The following ANK3 variants were observed in gnomAD, a reference collection of about 807,000 sequenced individuals.
The protein encoded by ANK3 is ankyrin-3.
In ANK3, 57 loss-of-function variants were observed where a neutral mutation model predicts 370.9. The observed-to-expected ratio is 0.15, with a 90% CI of 0.12 to 0.19. The LOEUF is 0.19. Ranked by LOEUF, ANK3 falls within the 10% of genes least tolerant of loss-of-function variation. The pLI, the probability that ANK3 is intolerant of heterozygous loss-of-function variation, is 1.00. For missense variants in ANK3, 4,439 were observed against 5,302.1 expected (o/e 0.84, Z 5.06); for synonymous variants, 1,929 against 1,946.3 (o/e 0.99, Z 0.23).
At chr10:60,415,447 G>A (rs1239019773) in intron 2 of ANK3, among the ~76,000 whole-genome samples, 2 of 152,080 alleles carry the variant, frequency 1.3e-5, no homozygotes, top group African/African-American at 4.8e-5. Flanking sequence ...GGTCGTCCCC[G>A]CCTCTGCTCC....
intron 1 of ANK3, among the ~76,000 whole-genome samples, chr10:60,624,309 A>G (rs2078379028): frequency 6.6e-6 from 1 of 152,174 alleles, no homozygotes; most frequent in Non-Finnish European, 1.5e-5. Context: ...ATAAAGTACA[A>G]AGTATTTTTA....
chr10:60,581,796 A>G (rs2077758039), intron 2 of ANK3, among the ~76,000 whole-genome samples: 1 of 152,068 alleles, frequency 6.6e-6, no homozygotes, highest in South Asian at 2.1e-4. Flanking sequence ...GTTGGAATAT[A>G]TTTTAGGAAT....
intron 1 of ANK3, among the ~76,000 whole-genome samples, chr10:60,363,979 T>TG: frequency 6.9e-6 from 1 of 145,586 alleles, no homozygotes; most frequent in South Asian, 2.2e-4. Context: ...TGTTTTTTTT[T>TG]TTTTTTTTTT....
intron 8 of ANK3, among the ~76,000 whole-genome samples, chr10:60,214,106 A>G (rs2096898016): frequency 6.6e-6 from 1 of 152,182 alleles, no homozygotes; most frequent in Non-Finnish European, 1.5e-5. Flanking sequence ...GCAAAAATAT[A>G]TAAAAAGTTT....
Position 60,079,225 on chromosome 10 carries a change from A to ACACACACACC in ANK3, c.4432+1311_4432+1312insGGTGTGTGTG, listed in dbSNP as rs376356885. The stretch of plus-strand genomic sequence containing the variant: ...CACACACACACACACACACACACAC[A>ACACACACACC]CCCCTCTTCTGCTCTGTAGCATAAT... On this transcript the variant is annotated intron_variant, in intron 36 of 43. Coordinates refer to ENST00000280772, the MANE Select transcript of ANK3 (RefSeq NM_020987.5). 3.7e-3 allele frequency among the ~76,000 whole-genome samples: 529 copies of ACACACACACC among 142,652 alleles called. 2 individuals carry two copies. The highest frequency in any genetic ancestry group is 0.013 in the African/African-American group (476 of 37,556). The allele number at this position is 142,652 out of a possible 152,430, so 93.6% of individuals were successfully genotyped here.
intron 23 of ANK3, among the ~76,000 whole-genome samples, chr10:60,156,048 T>A (rs1442988387): frequency 1.3e-5 from 2 of 152,182 alleles, no homozygotes; most frequent in Admixed American, 1.3e-4. Flanking sequence ...CCTTTATATA[T>A]CACATCTATC....
At chr10:60,677,784 CAAA>C (rs752482255) in intron 1 of ANK3, among the ~76,000 whole-genome samples, 3 of 99,254 alleles carry the variant, frequency 3.0e-5, no homozygotes, top group Non-Finnish European at 2.1e-5. Flanking sequence ...CTCAACTACC[CAAA>C]AAAAAAAAAA....
At chr10:60,647,082 A>G (rs150642115) in intron 1 of ANK3, among the ~76,000 whole-genome samples, 130 of 152,344 alleles carry the variant, frequency 8.5e-4, no homozygotes, top group African/African-American at 2.9e-3. Flanking sequence ...ATCATTTTTA[A>G]GCGAAAACAC....
At chr10:60,398,831 CAG>C (rs1434429623) in intron 2 of ANK3, among the ~76,000 whole-genome samples, 6 of 152,188 alleles carry the variant, frequency 3.9e-5, no homozygotes, top group Non-Finnish European at 8.8e-5. Flanking sequence ...GAACCTCTAA[CAG>C]TGTCATAAAC....
intron 2 of ANK3, among the ~76,000 whole-genome samples, chr10:60,475,071 G>GAATTT (rs2075025523): frequency 1.3e-5 from 2 of 152,174 alleles, no homozygotes; most frequent in Admixed American, 1.3e-4. Flanking sequence ...CATCCAATCA[G>GAATTT]AAATTTAAAT....
chr10:60,269,238 A>G (rs927676703), intron 5 of ANK3, among the ~76,000 whole-genome samples: 1 of 152,250 alleles, frequency 6.6e-6, no homozygotes. Flanking sequence ...AAACAACATT[A>G]CCTAAGACAG....
rs781702207 is a variant in ANK3 at position 60,072,028 on chromosome 10, C to T, written c.8853G>A (p.Arg2951=). Residue 2951 remains arginine, a synonymous_variant, in exon 37 of 44, where the codon AGG becomes AGA. Coordinates refer to ENST00000280772, the MANE Select transcript of ANK3 (RefSeq NM_020987.5). The part of the protein sequence containing the change: ...PGGLLDQPSR[R]SESSAVSHIP... ...TGTGTGACACTGCTGAGCTCTCGCTCCTCCTGGAAGGCTGATCAAGCAATC... is the reference window on the plus strand; with the variant it reads ...TGTGTGACACTGCTGAGCTCTCGCTTCTCCTGGAAGGCTGATCAAGCAATC... 4.3e-6 allele frequency: 7 copies of T among 1,614,096 alleles called. No homozygotes were observed. Among genetic ancestry groups the T allele is most frequent in the Non-Finnish European group, 5.1e-6 (6 of 1,179,992 alleles).
chr10:60,263,955 T>C lies in ANK3; in HGVS notation c.579A>G (p.Leu193=), dbSNP rs1002949372. ...QGHDQVVSLL[L]ENDTKGKVRL... ...GCACTTTTCCTTTGGTGTCATTCTC[T>C]AGCAGGAGCGAAACGACTTGGTCGT... The change falls in exon 6 of 44, where the codon CTA becomes CTG. Residue 193 remains leucine, a synonymous_variant. Transcript: ENST00000280772. The C allele has an allele frequency of 1.3e-5, 21 of 1,614,064 alleles. No individual in the cohort carries two copies. Among genetic ancestry groups the C allele is most frequent in the South Asian group, 2.2e-5 (2 of 91,094 alleles).
chr10:60,595,667 G>T (rs1595334413), intron 2 of ANK3, among the ~76,000 whole-genome samples: 1 of 152,138 alleles, frequency 6.6e-6, no homozygotes, highest in African/African-American at 2.4e-5. Context: ...TTAAAAGGAG[G>T]TCTGGTCCCC....
At chr10:60,638,383 C>T (rs910359216) in intron 1 of ANK3, among the ~76,000 whole-genome samples, 1 of 152,110 alleles carries the variant, frequency 6.6e-6, no homozygotes, top group African/African-American at 2.4e-5. Context: ...TTACAAGCAG[C>T]TCCAAAAGAT....
chr10:60,096,806 A>G (rs1220599097), intron 28 of ANK3, among the ~76,000 whole-genome samples: 1 of 152,204 alleles, frequency 6.6e-6, no homozygotes, highest in Non-Finnish European at 1.5e-5. Context: ...TTTGTTTTTT[A>G]AAAGGATATT....
intron 2 of ANK3, among the ~76,000 whole-genome samples, chr10:60,445,447 GAT>G (rs2064417673): frequency 6.6e-6 from 1 of 151,242 alleles, no homozygotes; most frequent in African/African-American, 2.4e-5. Flanking sequence ...CATATACTTG[GAT>G]CATAGTAAAT....
intron 18 of ANK3, among the ~76,000 whole-genome samples, chr10:60,179,704 T>A (rs1331604558): frequency 6.7e-6 from 1 of 149,666 alleles, no homozygotes; most frequent in Non-Finnish European, 1.5e-5. Context: ...AAAAAAAGAC[T>A]ACCAACTGGG....
At chr10:60,352,637 C>G (rs1449076739) in intron 1 of ANK3, among the ~76,000 whole-genome samples, 3 of 152,142 alleles carry the variant, frequency 2.0e-5, no homozygotes, top group Non-Finnish European at 4.4e-5. Flanking sequence ...CAGAATAACT[C>G]TACACCATCC....
Sources: allele counts gnomAD v4.1 joint callset (sites outside exome capture counted in the v4.1 genomes callset), GRCh38; gene constraint gnomAD v4.1.1; transcripts MANE v1.5; gene names NCBI Gene and HGNC (gene_info 2026-07-23, HGNC 2026-07-21).